The following IQSEC1 variants were observed in gnomAD, a reference collection of about 807,000 sequenced individuals.
The protein encoded by IQSEC1 is IQ motif and Sec7 domain ArfGEF 1.
IQSEC1 carries 31 observed loss-of-function variants against 91.0 expected under a neutral mutation model. The ratio of observed to expected loss-of-function variants is 0.34; its 90% CI spans 0.26 to 0.46. The LOEUF is 0.46. Ranked by LOEUF, IQSEC1 falls within the 20% of genes least tolerant of loss-of-function variation. IQSEC1 has a pLI of 1.00. For synonymous variants in IQSEC1, 699 were observed against 662.6 expected (o/e 1.05, Z -0.84); for missense variants, 1,388 against 1,575.6 (o/e 0.88, Z 2.02).
At chr3:12,911,387 A>C (rs1455406579) in intron 10 of IQSEC1, among the ~76,000 whole-genome samples, 1 of 152,254 alleles carries the variant, frequency 6.6e-6, no homozygotes, top group Non-Finnish European at 1.5e-5. Context: ...GCAAGAAACG[A>C]AGTACCAGTA....
At chr3:12,995,914 C>A (rs1221984833) in intron 1 of IQSEC1, among the ~76,000 whole-genome samples, 1 of 152,200 alleles carries the variant, frequency 6.6e-6, no homozygotes, top group Non-Finnish European at 1.5e-5. Flanking sequence ...TGTGGTGGCT[C>A]ATGCCTGTAA....
chr3:13,040,218 G>T (rs758244724), intron 1 of IQSEC1, among the ~76,000 whole-genome samples: 2 of 152,138 alleles, frequency 1.3e-5, no homozygotes, highest in African/African-American at 2.4e-5. Flanking sequence ...TCCCTGTCTG[G>T]AAAATTCCAA....
At position 12,901,411 on chromosome 3, in the gene IQSEC1, A is replaced by G. The variant is rs1376173335; in HGVS notation, c.2917T>C (p.Phe973Leu). The change falls in exon 14 of 14, where the codon TTC becomes CTC. Residue 973 changes from phenylalanine to leucine, a missense_variant. By Grantham distance (22) the Phe-to-Leu change is conservative (BLOSUM62 0). This residue lies in a region of IQSEC1 where 329 missense variants were observed against 257.8 expected (regional missense o/e 1.28). Coordinates refer to ENST00000613206, the MANE Select transcript of IQSEC1 (RefSeq NM_001134382.3). ...GGGGGCTTCCCTCTCTTGCTCCCGA[A>G]TAAGGAGCCCAGGAGGGAAGATGAG... is the stretch of plus-strand genomic sequence containing the variant. ...PNSSSLLGSL[F>L]GSKRGKPPPQ... 1.0e-5 allele frequency: 16 copies of G among 1,545,812 alleles called. No homozygotes were observed. In the Admixed American group the frequency reaches 2.9e-4, roughly 28 times the overall value.
At chr3:12,928,186 C>T (rs891636440) in intron 3 of IQSEC1, among the ~76,000 whole-genome samples, 3 of 142,692 alleles carry the variant, frequency 2.1e-5, no homozygotes, top group Non-Finnish European at 4.5e-5. Context: ...AGGACACAGT[C>T]TGAGGGCAGA....
In IQSEC1 at chr3:13,026,875, TTTTG is replaced by T. The variant is rs1200060263; in HGVS notation, c.23+46113_23+46116del. Among the ~76,000 whole-genome samples, 8 of 55,300 alleles carry T rather than the reference TTTTG, an allele frequency of 1.4e-4. No homozygotes were observed. In the East Asian group the frequency reaches 2.9e-3, roughly 20 times the overall value. 36.3% of individuals were successfully genotyped at this position (55,300 alleles called of 152,430 possible). A position where few individuals can be genotyped will look rare whatever the true frequency, so the allele number is the denominator to read the frequency against. On this transcript the variant is annotated intron_variant, in intron 1 of 13. Transcript: ENST00000613206. ...TTATTATCTCCCCAGTTTTTTTTTT[TTTTG>T]TTTGTTTTTTTTTTTACCAATTAAT...
At chr3:13,138,557 T>C (rs1335490048) in intron 2 of IQSEC1, among the ~76,000 whole-genome samples, 9 of 152,082 alleles carry the variant, frequency 5.9e-5, no homozygotes, top group Non-Finnish European at 1.3e-4. Context: ...CTGGTAGTCC[T>C]ATGCTGCCAG....
At chr3:13,068,506 T>A (rs1216332728) in intron 1 of IQSEC1, among the ~76,000 whole-genome samples, 1 of 152,208 alleles carries the variant, frequency 6.6e-6, no homozygotes, top group Non-Finnish European at 1.5e-5. Flanking sequence ...CCCTCATGGT[T>A]GGGAGGCCCC....
At position 12,901,298 on chromosome 3, in the gene IQSEC1, G is replaced by A. The variant is rs1328172284; in HGVS notation, c.3030C>T (p.Gly1010=). 2.0e-6 allele frequency: 3 copies of A among 1,524,974 alleles called. No homozygotes were observed. The highest frequency in any genetic ancestry group is 1.4e-5 in the African/African-American group (1 of 72,172). The allele number at this position is 1,524,974 out of a possible 1,614,324, so 94.5% of individuals were successfully genotyped here. A position where few individuals can be genotyped will look rare whatever the true frequency, so the allele number is the denominator to read the frequency against. ...VLPHLQHSVA[G]HHLGPPEGLP... Reference sequence around the variant, plus strand: ...GCCCCTCTGGGGGCCCCAGGTGGTGGCCAGCCACAGAGTGCTGCAAGTGAG... The same window carrying A: ...GCCCCTCTGGGGGCCCCAGGTGGTGACCAGCCACAGAGTGCTGCAAGTGAG... The change falls in exon 14 of 14, where the codon GGC becomes GGT. Residue 1010 remains glycine (G), a synonymous_variant. Coordinates refer to ENST00000613206, the MANE Select transcript of IQSEC1 (RefSeq NM_001134382.3).
rs1575852704 is a variant in IQSEC1 at position 12,906,506 on chromosome 3, A to G, written c.2755+1843T>C. Among the ~76,000 whole-genome samples, 3 of 152,170 alleles carry G rather than the reference A, an allele frequency of 2.0e-5. No individual in the cohort carries two copies. In the East Asian group the frequency reaches 5.8e-4, roughly 29 times the overall value. The stretch of plus-strand genomic sequence containing the variant: ...TCAAACCCCACCTCGCTTCACCCCC[A>G]AACCTTTCGGGGTACAGGGGGGTCC... On this transcript the variant is annotated intron_variant, in intron 12 of 13. Transcript: ENST00000613206.
intron 1 of IQSEC1, among the ~76,000 whole-genome samples, chr3:13,265,377 C>T (rs550096): frequency 0.66 from 101,078 of 152,020 alleles, 34,047 homozygotes; most frequent in East Asian, 0.94. Flanking sequence ...ACACTTGGGC[C>T]CCAGGGGGAC....
chr3:13,142,442 C>T (rs1005868205), intron 2 of IQSEC1, among the ~76,000 whole-genome samples: 2 of 152,190 alleles, frequency 1.3e-5, no homozygotes, highest in African/African-American at 4.8e-5. Context: ...CAGGTGATTT[C>T]CCCAAGGATG....
At chr3:13,081,375 C>T (rs1705644816) in intron 2 of IQSEC1, among the ~76,000 whole-genome samples, 1 of 152,202 alleles carries the variant, frequency 6.6e-6, no homozygotes, top group Non-Finnish European at 1.5e-5. Flanking sequence ...CTCAAGCAAT[C>T]CTCCCACCTC....
In IQSEC1 at chr3:13,072,978, C is replaced by T. The variant is rs1188291192; in HGVS notation, c.23+14G>A. 1 of 1,551,064 alleles carries T rather than the reference C, an allele frequency of 6.4e-7. No homozygotes were observed. Among genetic ancestry groups the T allele is most frequent in the Non-Finnish European group, 8.7e-7 (1 of 1,146,524 alleles). The stretch of plus-strand genomic sequence containing the variant: ...GCCTCTGGCTTCAGGCAGAAACCTG[C>T]CACATATACTCACAAATAGCGTCTT... On this transcript the variant is annotated intron_variant, in intron 1 of 13. Coordinates refer to ENST00000613206, the MANE Select transcript of IQSEC1 (RefSeq NM_001134382.3).
chr3:13,237,267 C>T (rs911299497), intron 1 of IQSEC1, among the ~76,000 whole-genome samples: 7 of 152,240 alleles, frequency 4.6e-5, no homozygotes, highest in African/African-American at 7.2e-5. Flanking sequence ...TCCCCCAGAA[C>T]GGGGTCACTG....
At position 12,897,882 on chromosome 3, in the gene IQSEC1, A is replaced by G. The variant is rs1693806471; in HGVS notation, c.*3101T>C. The G allele has an allele frequency of 6.6e-6, 1 of 152,272 alleles. No homozygotes were observed. Among genetic ancestry groups the G allele is most frequent in the South Asian group, 2.1e-4 (1 of 4,826 alleles). 9.4% of individuals were successfully genotyped at this position (152,272 alleles called of 1,614,324 possible). ...CATTTTTAAGCAAGATGTGCACAGC[A>G]TATTAGGATGAACTTTATTTTTACA... On this transcript the variant is annotated 3_prime_UTR_variant, in exon 14 of 14. Transcript: ENST00000613206.
At chr3:12,928,970 T>C (rs190888909) in intron 3 of IQSEC1, among the ~76,000 whole-genome samples, 1 of 152,298 alleles carries the variant, frequency 6.6e-6, no homozygotes, top group Non-Finnish European at 1.5e-5. Context: ...CTAGGTGCTA[T>C]GCTAGCACAG....
rs545400059 is a variant in IQSEC1 at position 12,953,625 on chromosome 3, C to T, written c.24-11760G>A. ...CTGCTGGAGAGATGGGCAGACGGCA[C>T]GAGGAGTCGGGCAGCAGTCAGCGTA... On this transcript the variant is annotated intron_variant, in intron 1 of 13. Transcript: ENST00000613206. Among the ~76,000 whole-genome samples, 26 of 152,334 alleles carry T rather than the reference C, an allele frequency of 1.7e-4. No individual in the cohort carries two copies. In the South Asian group the frequency reaches 4.1e-3, roughly 24 times the overall value.
chr3:13,220,788 T>A (rs1694644369), intron 1 of IQSEC1, among the ~76,000 whole-genome samples: 1 of 152,222 alleles, frequency 6.6e-6, no homozygotes, highest in Admixed American at 6.5e-5. Flanking sequence ...TCCCGGGATA[T>A]TTGGCTAAAC....
chr3:13,254,667 C>T (rs1018863482), intron 1 of IQSEC1, among the ~76,000 whole-genome samples: 1 of 152,222 alleles, frequency 6.6e-6, no homozygotes, highest in Non-Finnish European at 1.5e-5. Context: ...AGCTCCCTGG[C>T]GCTTCCTACT....
Sources: allele counts gnomAD v4.1 joint callset (sites outside exome capture counted in the v4.1 genomes callset), GRCh38; gene constraint gnomAD v4.1.1; regional missense constraint gnomAD v4.1.1; transcripts MANE v1.5; gene names NCBI Gene and HGNC (gene_info 2026-07-23, HGNC 2026-07-21).